FOXP2: variants seen among roughly 807,000 people sequenced by gnomAD.
FOXP2 encodes forkhead box protein P2.
In FOXP2, 12 loss-of-function variants were observed where a neutral mutation model predicts 115.8. The ratio of observed to expected loss-of-function variants is 0.10; its 90% CI spans 0.07 to 0.17. The LOEUF (loss-of-function observed/expected upper bound fraction) is 0.17. Among genes scored for constraint, FOXP2 ranks in the 10% least tolerant of loss-of-function variants. The pLI, the probability that FOXP2 is intolerant of heterozygous loss-of-function variation, is 1.00. For synonymous variants in FOXP2, 328 were observed against 297.7 expected, an observed-to-expected ratio of 1.10 and a Z score of -1.05; for missense variants, 629 against 843.5, an observed-to-expected ratio of 0.75 and a Z score of 3.15.
At chr7:114,474,511 T>G (rs1796174605) in intron 2 of FOXP2, among the ~76,000 whole-genome samples, 1 of 152,186 alleles carries the variant, frequency 6.6e-6, no homozygotes, top group African/African-American at 2.4e-5. Context: ...AAACCAGTTA[T>G]AGCTAAACTC....
rs1224976065 is a variant in FOXP2 at position 114,415,164 on chromosome 7, G to T, written c.-207G>T. The T allele has an allele frequency of 8.8e-6, 4 of 454,236 alleles. No homozygotes were observed. The highest frequency in any genetic ancestry group is 1.8e-5 in the Non-Finnish European group (4 of 226,724). 28.1% of individuals were successfully genotyped at this position (454,236 alleles called of 1,614,324 possible). A position where few individuals can be genotyped will look rare whatever the true frequency, so the allele number is the denominator to read the frequency against. On this transcript the variant is annotated 5_prime_UTR_variant, in exon 1 of 17. Coordinates refer to ENST00000350908, the MANE Select transcript of FOXP2 (RefSeq NM_014491.4). ...CAGTCTGGGACGTGATCGGGCAGAG[G>T]TGTACTCACAGTAGTGTAAATACTG...
chr7:114,392,365 GGAAGGTTTTAAAGTGTTGCCAA>G (rs1005249527), intron 2 of FOXP2, among the ~76,000 whole-genome samples: 9 of 152,146 alleles, frequency 5.9e-5, no homozygotes, highest in Non-Finnish European at 1.3e-4. Context: ...GAGTAAATGA[GGAAGGTTTTAAAGTGTTGCCAA>G]GAACAGTCGT....
intron 1 of FOXP2, among the ~76,000 whole-genome samples, chr7:114,252,882 G>A (rs1294325788): frequency 1.3e-5 from 2 of 152,138 alleles, no homozygotes; most frequent in African/African-American, 2.4e-5. Context: ...TAATTGTGAT[G>A]TTAGGGTGTC....
chr7:114,634,339 C>G (rs1257127052), intron 6 of FOXP2, among the ~76,000 whole-genome samples: 1 of 151,988 alleles, frequency 6.6e-6, no homozygotes, highest in African/African-American at 2.4e-5. Context: ...TTTAACACAA[C>G]TTCTTCATGC....
At chr7:114,590,260 A>G (rs1584930138) in intron 3 of FOXP2, among the ~76,000 whole-genome samples, 1 of 152,156 alleles carries the variant, frequency 6.6e-6, no homozygotes. Flanking sequence ...CTTCTCTAGT[A>G]TTAAAAATAT....
intron 2 of FOXP2, among the ~76,000 whole-genome samples, chr7:114,528,511 C>A (rs1349460763): frequency 6.6e-6 from 1 of 151,968 alleles, no homozygotes; most frequent in Non-Finnish European, 1.5e-5. Context: ...TAGTCACAAA[C>A]ATTTTTAAGG....
At chr7:114,219,119 C>T (rs916873732) in intron 1 of FOXP2, among the ~76,000 whole-genome samples, 10 of 151,846 alleles carry the variant, frequency 6.6e-5, no homozygotes, top group East Asian at 3.9e-4. Context: ...TACTAGTTTT[C>T]GAAAAAGATT....
intron 16 of FOXP2, among the ~76,000 whole-genome samples, chr7:114,678,655 A>C (rs759414661): frequency 2.7e-5 from 4 of 150,528 alleles, no homozygotes; most frequent in Non-Finnish European, 5.9e-5. Context: ...TGCTATAAGA[A>C]CACAGATGAA....
intron 2 of FOXP2, among the ~76,000 whole-genome samples, chr7:114,488,413 T>A (rs1796890957): frequency 6.6e-6 from 1 of 152,174 alleles, no homozygotes; most frequent in Non-Finnish European, 1.5e-5. Flanking sequence ...TACTTTTTGT[T>A]GGTCCACTAT....
At chr7:114,113,161 T>A (rs1640869032) in intron 1 of FOXP2, among the ~76,000 whole-genome samples, 1 of 152,058 alleles carries the variant, frequency 6.6e-6, no homozygotes, top group South Asian at 2.1e-4. Context: ...TGTATGTAGG[T>A]AGGTAATTGG....
chr7:114,493,067 G>A (rs1168948331), intron 2 of FOXP2, among the ~76,000 whole-genome samples: 1 of 152,072 alleles, frequency 6.6e-6, no homozygotes, highest in Admixed American at 6.6e-5. Flanking sequence ...GGTCTCTAAG[G>A]ACTTGCTTTA....
Position 114,356,866 on chromosome 7 carries a change from A to G in FOXP2, c.-11+68757A>G, listed in dbSNP as rs975510308. Among the ~76,000 whole-genome samples the G allele has an allele frequency of 2.0e-5, 3 of 152,236 alleles. No individual in the cohort carries two copies. The East Asian group carries it at 5.8e-4, about 29-fold the overall frequency. On this transcript the variant is annotated intron_variant, in intron 2 of 17. Coordinates refer to the FOXP2 transcript ENST00000634411. ...TACCTATTTAGAAACATAGAGAAAT[A>G]GGGCTATTCCACAGTAGTTATTCAA...
chr7:114,345,699 G>A (rs1031906072), intron 2 of FOXP2, among the ~76,000 whole-genome samples: 14 of 151,476 alleles, frequency 9.2e-5, no homozygotes, highest in African/African-American at 2.7e-4. Flanking sequence ...ATGACACTAC[G>A]CAAAATGAGT....
intron 3 of FOXP2, among the ~76,000 whole-genome samples, chr7:114,535,823 C>T (rs1369259724): frequency 6.6e-6 from 1 of 151,626 alleles, no homozygotes; most frequent in Non-Finnish European, 1.5e-5. Flanking sequence ...GATGTTTCAA[C>T]AGAGTACAGA....
At chr7:114,237,095 A>C (rs900715555) in intron 1 of FOXP2, among the ~76,000 whole-genome samples, 39 of 152,160 alleles carry the variant, frequency 2.6e-4, no homozygotes, top group Non-Finnish European at 2.6e-4. Context: ...TATTTGTGTG[A>C]TAGGCTGTGT....
At chr7:114,405,146 T>A (rs1283248716) in intron 2 of FOXP2, among the ~76,000 whole-genome samples, 1 of 151,992 alleles carries the variant, frequency 6.6e-6, no homozygotes, top group Non-Finnish European at 1.5e-5. Flanking sequence ...AATTGTTTAC[T>A]GGTGTTACTA....
In FOXP2 at chr7:114,450,469, G is replaced by A. The variant is rs182309875; in HGVS notation, c.168+23790G>A. ...AAAGGTGTAAAATTTGTTGAAATAT[G>A]AGTATATAATTTCTTCTATTTCTAC... On this transcript the variant is annotated intron_variant, in intron 2 of 16. Transcript: ENST00000350908. Among the ~76,000 whole-genome samples, 30 of 152,158 alleles carry A rather than the reference G, an allele frequency of 2.0e-4. No individual in the cohort carries two copies. The East Asian group carries it at 5.0e-3, about 25-fold the overall frequency.
At position 114,628,624 on chromosome 7, in the gene FOXP2, C is replaced by T. The variant is rs1191637371; in HGVS notation, c.343C>T (p.Pro115Ser). The change falls in exon 4 of 17, where the codon CCT (proline) becomes TCT (serine). Residue 115 changes from proline (P) to serine (S), a missense_variant. Physicochemically the swap from Pro to Ser is moderately conservative, Grantham distance 74 (BLOSUM62 -1). This residue lies in a region of FOXP2 where 138 missense variants were observed against 205.1 expected (regional missense o/e 0.67). Coordinates refer to ENST00000350908, the MANE Select transcript of FOXP2 (RefSeq NM_014491.4). ...QQILQQQVLS[P>S]QQLQALLQQQ... ...GATCCTTCAGCAACAAGTCCTGTCT[C>T]CTCAGCAGCTACAAGCCCTTCTCCA... 6.2e-7 allele frequency: 1 copy of T among 1,614,114 alleles called. No homozygotes were observed. The highest frequency in any genetic ancestry group is 2.2e-5 in the East Asian group (1 of 44,872).
At chr7:114,633,157 A>G (rs895809207) in intron 6 of FOXP2, among the ~76,000 whole-genome samples, 1 of 152,122 alleles carries the variant, frequency 6.6e-6, no homozygotes, top group Non-Finnish European at 1.5e-5. Flanking sequence ...TATTAATTCA[A>G]GTAAACATTT....
Sources: gnomAD v4.1 joint callset for allele counts (sites outside exome capture counted in the v4.1 genomes callset) on GRCh38, gnomAD v4.1.1 for gene constraint, gnomAD v4.1.1 regional missense constraint, MANE v1.5 for transcripts, NCBI Gene and HGNC (gene_info 2026-07-23, HGNC 2026-07-21) for gene names.